The following GPHN variants were observed in gnomAD, a reference collection of about 807,000 sequenced individuals.
GPHN encodes the protein gephyrin.
GPHN carries 17 observed loss-of-function variants against 95.5 expected under a neutral mutation model. The observed-to-expected ratio is 0.18, with a 90% CI of 0.12 to 0.27. GPHN has a LOEUF of 0.27. Among genes scored for constraint, GPHN ranks in the 10% least tolerant of loss-of-function variants. The pLI is 1.00. For synonymous variants in GPHN, 320 were observed against 322.5 expected (o/e 0.99, Z 0.08); for missense variants, 660 against 978.1 (o/e 0.67, Z 4.34).
At chr14:66,973,683 C>T (rs191846934) in intron 9 of GPHN, among the ~76,000 whole-genome samples, 21 of 152,148 alleles carry the variant, frequency 1.4e-4, no homozygotes, top group African/African-American at 4.8e-4. Flanking sequence ...CGCTTGAACC[C>T]GAGAGGCGGA....
the GPHN span, among the ~76,000 whole-genome samples, chr14:67,436,238 C>A: frequency 6.6e-6 from 1 of 152,198 alleles, no homozygotes; most frequent in Non-Finnish European, 1.5e-5. Context: ...GGCAAATGCC[C>A]AGGATGCCAG....
At chr14:67,175,009 T>G (rs984132682) in intron 21 of GPHN, among the ~76,000 whole-genome samples, 1 of 152,174 alleles carries the variant, frequency 6.6e-6, no homozygotes, top group African/African-American at 2.4e-5. Context: ...TGTAAAAAAT[T>G]TTTTCCATTC....
chr14:66,824,375 C>G, intron 3 of GPHN, 99 bp from the exon 4 acceptor site: 1 of 676,248 alleles, frequency 1.5e-6, no homozygotes, highest in East Asian at 2.8e-5. Flanking sequence ...TGAAAAGAAT[C>G]TGTGTTTCCT....
chr14:66,783,899 G>A (rs1003967263), intron 3 of GPHN, among the ~76,000 whole-genome samples: 1 of 152,080 alleles, frequency 6.6e-6, no homozygotes, highest in Admixed American at 6.6e-5. Context: ...GTTACATTGC[G>A]ACATGGGGGA....
intron 4 of GPHN, among the ~76,000 whole-genome samples, chr14:66,876,771 A>G (rs1477388636): frequency 6.6e-6 from 1 of 152,160 alleles, no homozygotes; most frequent in Non-Finnish European, 1.5e-5. Context: ...CCAACCAAAA[A>G]AAGCCCAGAA....
At chr14:66,972,487 A>G (rs113762884) in intron 9 of GPHN, among the ~76,000 whole-genome samples, 10 of 151,972 alleles carry the variant, frequency 6.6e-5, no homozygotes, top group Non-Finnish European at 1.2e-4. Flanking sequence ...TCAGCTTACA[A>G]CTCAAACAAT....
At chr14:67,225,928 T>A in the GPHN span, among the ~76,000 whole-genome samples, 2 of 104,548 alleles carry the variant, frequency 1.9e-5, no homozygotes, top group African/African-American at 1.4e-4. Flanking sequence ...ATGCTGTGAG[T>A]GTGTGTGTGT....
chr14:67,326,339 T>G, the GPHN span, among the ~76,000 whole-genome samples: 3 of 138,122 alleles, frequency 2.2e-5, no homozygotes, highest in Non-Finnish European at 4.6e-5. Flanking sequence ...CAAGTGACCC[T>G]CCCGTCTCAG....
intron 2 of GPHN, among the ~76,000 whole-genome samples, chr14:66,742,796 C>T (rs945967835): frequency 1.8e-4 from 27 of 152,326 alleles, no homozygotes; most frequent in South Asian, 8.3e-4. Context: ...GAGTCTCGCT[C>T]TGTCACCCAG....
the GPHN span, chr14:67,674,592 C>A: frequency 5.6e-6 from 5 of 894,976 alleles, no homozygotes; most frequent in Non-Finnish European, 7.8e-6. Flanking sequence ...ACGGCGACCG[C>A]CGCACCACCG....
the GPHN span, among the ~76,000 whole-genome samples, chr14:67,519,975 G>A: frequency 6.6e-6 from 1 of 151,580 alleles, no homozygotes; most frequent in Non-Finnish European, 1.5e-5. Flanking sequence ...CTCCCACCTC[G>A]GCCCCCCAAA....
At chr14:66,773,899 CAT>C (rs2059276952) in intron 2 of GPHN, among the ~76,000 whole-genome samples, 1 of 148,776 alleles carries the variant, frequency 6.7e-6, no homozygotes. Context: ...TATTGTCAAA[CAT>C]AGAGTATTTT....
chr14:67,268,603 C>T, the GPHN span, among the ~76,000 whole-genome samples: 2 of 152,184 alleles, frequency 1.3e-5, no homozygotes, highest in East Asian at 3.8e-4. Context: ...AGGGTGACTT[C>T]CTAACGTTGC....
chr14:67,020,661 T>C (rs1324042497), intron 9 of GPHN, among the ~76,000 whole-genome samples: 2 of 152,172 alleles, frequency 1.3e-5, no homozygotes, highest in African/African-American at 2.4e-5. Flanking sequence ...CCTTCATGTT[T>C]TTTATTTTCT....
At chr14:66,819,141 C>G (rs2061092969) in intron 3 of GPHN, among the ~76,000 whole-genome samples, 1 of 152,058 alleles carries the variant, frequency 6.6e-6, no homozygotes, top group Non-Finnish European at 1.5e-5. Context: ...CTTTTAGTTT[C>G]TTTGTCATGA....
At chr14:67,634,527 G>A in the GPHN span, among the ~76,000 whole-genome samples, 1 of 150,924 alleles carries the variant, frequency 6.6e-6, no homozygotes, top group East Asian at 1.9e-4. Context: ...CTGGGAGATG[G>A]AGGCTGCAGT....
At chr14:67,134,953 C>CTTTT (rs57933607) in intron 17 of GPHN, among the ~76,000 whole-genome samples, 14 of 45,248 alleles carry the variant, frequency 3.1e-4, no homozygotes, top group African/African-American at 7.2e-4. Flanking sequence ...TTTCTTTCTT[C>CTTTT]TTTTTTTTTT....
the GPHN span, chr14:67,651,560 A>G: frequency 5.1e-5 from 77 of 1,502,890 alleles, no homozygotes; most frequent in Non-Finnish European, 6.7e-5. Flanking sequence ...TAGACCTGGG[A>G]CCACGGCTGG....
intron 4 of GPHN, among the ~76,000 whole-genome samples, chr14:66,837,222 A>T (rs2061866570): frequency 6.6e-6 from 1 of 151,754 alleles, no homozygotes; most frequent in Non-Finnish European, 1.5e-5. Flanking sequence ...AGACTGGATT[A>T]AGAAAATGTG....
Sources: gnomAD v4.1 joint callset for allele counts (sites outside exome capture counted in the v4.1 genomes callset) on GRCh38, gnomAD v4.1.1 for gene constraint, MANE v1.5 for transcripts, NCBI Gene and HGNC (gene_info 2026-07-23, HGNC 2026-07-21) for gene names.